Variants in THSD7B observed in about 807,000 individuals in gnomAD.
THSD7B encodes thrombospondin type 1 domain containing 7B.
THSD7B carries 138 observed loss-of-function variants against 213.6 expected under a neutral mutation model. The ratio of observed to expected loss-of-function variants is 0.65; its 90% CI spans 0.56 to 0.74. The LOEUF (loss-of-function observed/expected upper bound fraction) is 0.74, where lower values mean the gene tolerates loss of function less well. THSD7B is among the 30% of genes least tolerant of loss of function. The pLI is 0.00. For synonymous variants in THSD7B, 742 were observed against 687.0 expected, an observed-to-expected ratio of 1.08 and a Z score of -1.25; for missense variants, 1,931 against 1,991.5, an observed-to-expected ratio of 0.97 and a Z score of 0.58.
intron 27 of THSD7B, among the ~76,000 whole-genome samples, chr2:137,674,176 A>G (rs747849455): frequency 1.3e-5 from 2 of 152,114 alleles, no homozygotes; most frequent in East Asian, 1.9e-4. Flanking sequence ...CAACTCCCCA[A>G]TGCTTAGGAT....
rs1209164523 is a variant in THSD7B, at chr2:137,656,802, G to C, written c.4112G>C (p.Cys1371Ser). The change falls in exon 23 of 28, where the codon TGC becomes TCC. Residue 1371 changes from cysteine (C) to serine (S), a missense_variant. Coordinates refer to ENST00000409968, the MANE Select transcript of THSD7B (RefSeq NM_001316349.2). ...QLCSVPCPGD[C>S]HLTEWSEWST... The stretch of plus-strand genomic sequence containing the variant: ...GTACTGCATGACTGTCCAGGAGACT[G>C]CCATTTAACAGAATGGTCAGAGTGG... The C allele has an allele frequency of 6.2e-7, 1 of 1,613,722 alleles. No individual in the cohort carries two copies. Among genetic ancestry groups the C allele is most frequent in the Non-Finnish European group, 8.5e-7 (1 of 1,179,738 alleles).
chr2:137,057,203 G>C lies in THSD7B; in HGVS notation c.923G>C (p.Arg308Thr). ...CAAACCCGGCAGGTTTCGTGTACAA[G>C]AAGTGATGGACAAAATGCTATGTTA... The part of the protein sequence containing the change: ...GYQTRQVSCT[R>T]SDGQNAMLSL... The change falls in exon 3 of 28, where the codon AGA becomes ACA. Residue 308 changes from arginine to threonine, a missense_variant. Coordinates refer to ENST00000409968, the MANE Select transcript of THSD7B (RefSeq NM_001316349.2). 6.2e-7 allele frequency: 1 copy of C among 1,613,268 alleles called. No individual in the cohort carries two copies. The highest frequency in any genetic ancestry group is 8.5e-7 in the Non-Finnish European group (1 of 1,179,432).
chr2:137,176,899 C>T (rs1241434054), intron 7 of THSD7B, among the ~76,000 whole-genome samples: 1 of 152,170 alleles, frequency 6.6e-6, no homozygotes, highest in Non-Finnish European at 1.5e-5. Flanking sequence ...GGCTCCCTGG[C>T]ATGGCTTCCC....
At chr2:137,183,957 C>A (rs926808451) in intron 7 of THSD7B, among the ~76,000 whole-genome samples, 12 of 152,148 alleles carry the variant, frequency 7.9e-5, no homozygotes, top group Admixed American at 2.0e-4. Flanking sequence ...GATAATGGAA[C>A]CTTCTGTTTA....
chr2:137,478,234 G>T (rs1418239362), intron 15 of THSD7B, among the ~76,000 whole-genome samples: 20 of 152,014 alleles, frequency 1.3e-4, no homozygotes, highest in Admixed American at 1.1e-3. Context: ...TCACTCTGTG[G>T]TGTCCCATAT....
intron 12 of THSD7B, among the ~76,000 whole-genome samples, chr2:137,375,730 G>C (rs1054479892): frequency 6.6e-6 from 1 of 152,144 alleles, no homozygotes; most frequent in East Asian, 1.9e-4. Flanking sequence ...TAGCAAATGC[G>C]TGGTCTCCAG....
At chr2:137,375,066 A>G (rs1026377941) in intron 12 of THSD7B, among the ~76,000 whole-genome samples, 1 of 152,194 alleles carries the variant, frequency 6.6e-6, no homozygotes, top group African/African-American at 2.4e-5. Context: ...AGATCTCATT[A>G]CAGGTCCAAT....
intron 2 of THSD7B, among the ~76,000 whole-genome samples, chr2:136,883,453 A>T (rs59161357): frequency 0.021 from 3,195 of 150,742 alleles, 59 homozygotes; most frequent in East Asian, 0.092. Flanking sequence ...ACTGATTTGC[A>T]TTTTTTTTTC....
chr2:136,807,383 T>C (rs1462007657), intron 1 of THSD7B, among the ~76,000 whole-genome samples: 1 of 152,224 alleles, frequency 6.6e-6, no homozygotes, highest in African/African-American at 2.4e-5. Flanking sequence ...GTTATTTATT[T>C]TTTGCAGACA....
At chr2:137,046,406 G>A (rs889457665) in intron 2 of THSD7B, among the ~76,000 whole-genome samples, 4 of 152,154 alleles carry the variant, frequency 2.6e-5, no homozygotes, top group Admixed American at 6.5e-5. Flanking sequence ...GAATGTTACT[G>A]GGCTGTAGCA....
chr2:137,589,026 C>T (rs1016909178), intron 17 of THSD7B, among the ~76,000 whole-genome samples: 12 of 151,998 alleles, frequency 7.9e-5, no homozygotes, highest in South Asian at 4.1e-4. Context: ...GTGATCTGCC[C>T]GTCTGGGCCT....
intron 1 of THSD7B, among the ~76,000 whole-genome samples, chr2:136,845,641 A>G (rs531890580): frequency 4.6e-5 from 7 of 152,332 alleles, no homozygotes; most frequent in Non-Finnish European, 1.0e-4. Flanking sequence ...AAGGAAGAAC[A>G]TCAGAAAGGC....
chr2:137,533,099 A>G (rs943529316), intron 15 of THSD7B, among the ~76,000 whole-genome samples: 30 of 151,582 alleles, frequency 2.0e-4, no homozygotes, highest in African/African-American at 5.3e-4. Flanking sequence ...TTTCTTAACA[A>G]TGTAGCTTAG....
chr2:136,904,248 A>T (rs1450300241), intron 2 of THSD7B, among the ~76,000 whole-genome samples: 1 of 152,154 alleles, frequency 6.6e-6, no homozygotes, highest in African/African-American at 2.4e-5. Flanking sequence ...TGGCAGAGGT[A>T]ACCCACCCTG....
chr2:136,986,329 A>T (rs1047765744), intron 2 of THSD7B, among the ~76,000 whole-genome samples: 3 of 152,156 alleles, frequency 2.0e-5, no homozygotes, highest in African/African-American at 7.2e-5. Context: ...TTTAATGGTG[A>T]GTGAGTTCTT....
chr2:137,145,441 T>G (rs1295401197), intron 5 of THSD7B, among the ~76,000 whole-genome samples: 1 of 152,036 alleles, frequency 6.6e-6, no homozygotes, highest in Non-Finnish European at 1.5e-5. Context: ...ATGCTGATGG[T>G]TCTTAGATAA....
intron 12 of THSD7B, among the ~76,000 whole-genome samples, chr2:137,396,770 A>G (rs563059061): frequency 1.3e-5 from 2 of 150,684 alleles, no homozygotes; most frequent in South Asian, 4.3e-4. Flanking sequence ...GGGGTGTTAA[A>G]GTCTCCCATT....
At chr2:137,617,226 A>G (rs1228333747) in intron 18 of THSD7B, among the ~76,000 whole-genome samples, 1 of 152,174 alleles carries the variant, frequency 6.6e-6, no homozygotes, top group Non-Finnish European at 1.5e-5. Flanking sequence ...AACTTGCTTT[A>G]TTGGAAGAGC....
intron 21 of THSD7B, among the ~76,000 whole-genome samples, chr2:137,644,590 CTT>C (rs528500792): frequency 1.7e-4 from 26 of 152,164 alleles, no homozygotes; most frequent in Non-Finnish European, 2.5e-4. Flanking sequence ...ATTGTTAACT[CTT>C]TGTGAGATAG....
Sources: allele counts gnomAD v4.1 joint callset (sites outside exome capture counted in the v4.1 genomes callset), GRCh38; gene constraint gnomAD v4.1.1; transcripts MANE v1.5; gene names NCBI Gene and HGNC (gene_info 2026-07-23, HGNC 2026-07-21).